Variants in NIPSNAP2 observed in about 807,000 individuals in gnomAD.
NIPSNAP2 encodes the protein nipsnap homolog 2.
A neutral mutation model predicts 48.4 loss-of-function variants in NIPSNAP2; 42 were observed. That is an observed-to-expected ratio of 0.87 (90% confidence interval 0.68 to 1.12). The LOEUF (loss-of-function observed/expected upper bound fraction) is 1.12. NIPSNAP2 is among the 50% of genes most tolerant of loss of function. NIPSNAP2 has a pLI of 0.00. For synonymous variants in NIPSNAP2, 158 were observed against 126.6 expected (o/e 1.25, Z -1.67); for missense variants, 314 against 347.3 (o/e 0.90, Z 0.76).
chr7:55,986,780 A>G (rs898066978), intron 7 of NIPSNAP2, among the ~76,000 whole-genome samples: 5 of 152,124 alleles, frequency 3.3e-5, no homozygotes, highest in African/African-American at 7.2e-5. Flanking sequence ...AATTGAATTC[A>G]GAATAGATAA....
chr7:55,967,440 G>GA (rs1786917667), intron 1 of NIPSNAP2, among the ~76,000 whole-genome samples: 1 of 152,026 alleles, frequency 6.6e-6, no homozygotes, highest in African/African-American at 2.4e-5. Context: ...GTGTGGGCTC[G>GA]AACCTGTTAG....
intron 1 of NIPSNAP2, among the ~76,000 whole-genome samples, chr7:55,966,884 A>G (rs1458693093): frequency 6.6e-6 from 1 of 152,222 alleles, no homozygotes; most frequent in Non-Finnish European, 1.5e-5. Context: ...TGTGCAGCGT[A>G]TATAGGCTGA....
chr7:55,982,177 T>G lies in NIPSNAP2; in HGVS notation c.374-33T>G, dbSNP rs182076369. 14 of 1,412,240 alleles carry G rather than the reference T, an allele frequency of 9.9e-6. No individual in the cohort carries two copies. The African/African-American group carries it at 1.7e-4, about 17-fold the overall frequency. 87.5% of individuals were successfully genotyped at this position (1,412,240 alleles called of 1,614,324 possible). A position where few individuals can be genotyped will look rare whatever the true frequency, so the allele number is the denominator to read the frequency against. On this transcript the variant is annotated intron_variant, in intron 4 of 9. Coordinates refer to ENST00000322090, the MANE Select transcript of NIPSNAP2 (RefSeq NM_001483.3). ...TTCAAGTAGTAGTATCATGAAATTCTAAACGTATACTGTCTTTTAAAATGC... is the reference window on the plus strand; with the variant it reads ...TTCAAGTAGTAGTATCATGAAATTCGAAACGTATACTGTCTTTTAAAATGC...
intron 9 of NIPSNAP2, among the ~76,000 whole-genome samples, chr7:55,998,541 G>A (rs1367191906): frequency 3.7e-5 from 4 of 109,374 alleles, no homozygotes; most frequent in Non-Finnish European, 6.8e-5. Flanking sequence ...TTGTTCTGTC[G>A]CCAGGCTGGA....
intron 8 of NIPSNAP2, among the ~76,000 whole-genome samples, chr7:55,995,871 C>T (rs1787552122): frequency 6.6e-6 from 1 of 152,100 alleles, no homozygotes. Context: ...CTTCACAGAG[C>T]AACAGCAAGT....
chr7:55,969,982 C>CA (rs759505196), intron 1 of NIPSNAP2, among the ~76,000 whole-genome samples: 5,008 of 55,598 alleles, frequency 0.09, 379 homozygotes, highest in African/African-American at 0.24. Flanking sequence ...GACTCTGTCT[C>CA]AAAAAAAAAA....
intron 3 of NIPSNAP2, 124 bp from the exon 4 acceptor site, chr7:55,981,349 A>T (rs1156289734): frequency 1.5e-5 from 10 of 665,090 alleles, no homozygotes; most frequent in Non-Finnish European, 1.4e-5. Flanking sequence ...TTTTATCATG[A>T]TGTTCTAAGG....
Position 55,999,984 on chromosome 7 carries a change from C to A in NIPSNAP2, c.*912C>A, listed in dbSNP as rs1787644467. 1 of 152,508 alleles carries A rather than the reference C, an allele frequency of 6.6e-6. No individual in the cohort carries two copies. Among genetic ancestry groups the A allele is most frequent in the Non-Finnish European group, 1.5e-5 (1 of 68,012 alleles). 9.4% of individuals were successfully genotyped at this position (152,508 alleles called of 1,614,324 possible). A position where few individuals can be genotyped will look rare whatever the true frequency, so the allele number is the denominator to read the frequency against. On this transcript the variant is annotated 3_prime_UTR_variant, in exon 10 of 10. Coordinates refer to ENST00000322090, the MANE Select transcript of NIPSNAP2 (RefSeq NM_001483.3). ...TACTTTTTGTCTAGCTGTTTGATTT[C>A]ATTTTTTAATATAGTATGCCAATTT...
At chr7:55,969,783 A>G (rs893548421) in intron 1 of NIPSNAP2, among the ~76,000 whole-genome samples, 40 of 152,212 alleles carry the variant, frequency 2.6e-4, no homozygotes, top group Admixed American at 1.2e-3. Flanking sequence ...GGAGATCGAG[A>G]CCATCCTGGC....
rs373873272 is a variant in NIPSNAP2 at position 55,987,299 on chromosome 7, A to G, written c.617+2421A>G. On this transcript the variant is annotated intron_variant, in intron 7 of 9. Coordinates refer to ENST00000322090, the MANE Select transcript of NIPSNAP2 (RefSeq NM_001483.3). ...TTTATTTGCAGTAGCCAAGAGGTAG[A>G]AACAACCCACATATCCATCAATAGA... Among the ~76,000 whole-genome samples the G allele has an allele frequency of 5.9e-5, 9 of 152,286 alleles. No individual in the cohort carries two copies. In the South Asian group the frequency reaches 1.0e-3, roughly 18 times the overall value.
intron 6 of NIPSNAP2, among the ~76,000 whole-genome samples, chr7:55,984,317 C>G (rs896665942): frequency 6.6e-6 from 1 of 152,182 alleles, no homozygotes; most frequent in African/African-American, 2.4e-5. Context: ...TGGCTAATGC[C>G]TGTAATCCCA....
chr7:55,978,384 C>T lies in NIPSNAP2; in HGVS notation c.267C>T (p.Tyr89=). ...HNVKPECLEA[Y]NKICQEVLPK... is the part of the protein sequence containing the mutation. ...TTAAACCGGAATGCCTAGAAGCATA[C>T]AACAAAATTTGGTGTGTATACCAAA... Residue 89 remains tyrosine (Y), a synonymous_variant, in exon 3 of 10, where the codon TAC becomes TAT. Transcript: ENST00000322090. 6.2e-7 allele frequency: 1 copy of T among 1,611,692 alleles called. No individual in the cohort carries two copies. Among genetic ancestry groups the T allele is most frequent in the Non-Finnish European group, 8.5e-7 (1 of 1,179,142 alleles).
At position 55,983,965 on chromosome 7, in the gene NIPSNAP2, A is replaced by T. The variant is rs1326007212; in HGVS notation, c.585+97A>T. 3.0e-6 allele frequency: 3 copies of T among 1,011,880 alleles called. No homozygotes were observed. The African/African-American group carries it at 5.0e-5, about 17-fold the overall frequency. 62.7% of individuals were successfully genotyped at this position (1,011,880 alleles called of 1,614,324 possible). On this transcript the variant is annotated intron_variant, in intron 6 of 9. Transcript: ENST00000322090. ...ACAGAACTTGTGTGTACATTCTGTG[A>T]TGTATGTCTAGCATTATATGTATAT...
rs189290724 is a variant in NIPSNAP2 at position 55,968,620 on chromosome 7, C to T, written c.92+3919C>T. Among the ~76,000 whole-genome samples, 418 of 152,268 alleles carry T rather than the reference C, an allele frequency of 2.7e-3. 3 individuals are homozygous for T. Among genetic ancestry groups the T allele is most frequent in the African/African-American group, 9.2e-3 (382 of 41,556 alleles). On this transcript the variant is annotated intron_variant, in intron 1 of 9. Transcript: ENST00000322090. ...CAGGATGGTCTCGATCTCCTGACCT[C>T]GTGATCTGCCCGCCTTGGCCTGCTT...
At chr7:55,970,777 G>A (rs1787001868) in intron 1 of NIPSNAP2, among the ~76,000 whole-genome samples, 2 of 152,180 alleles carry the variant, frequency 1.3e-5, no homozygotes, top group South Asian at 2.1e-4. Flanking sequence ...CCCTGTACAT[G>A]TTGTTCCCAT....
chr7:55,996,880 TTTTTTTAACTTAAGAA>T (rs1787574005), intron 8 of NIPSNAP2, among the ~76,000 whole-genome samples: 1 of 151,970 alleles, frequency 6.6e-6, no homozygotes, highest in Non-Finnish European at 1.5e-5. Context: ...AAACAAATAA[TTTTTTTAACTTAAGAA>T]TGGGCCAGGC....
At chr7:55,990,670 A>G (rs970914597) in intron 7 of NIPSNAP2, among the ~76,000 whole-genome samples, 4 of 152,164 alleles carry the variant, frequency 2.6e-5, no homozygotes, top group Non-Finnish European at 5.9e-5. Context: ...GGGGGAGGCC[A>G]CATGGTGCTG....
Position 55,981,587 on chromosome 7 carries a change from G to C in NIPSNAP2, c.373+20G>C. ...AAGCTGGTAGGAAGCGAAGTCTTTGGAATAAACACTTCTTCCTTAAGCCTT... is the reference window on the plus strand; with the variant it reads ...AAGCTGGTAGGAAGCGAAGTCTTTGCAATAAACACTTCTTCCTTAAGCCTT... On this transcript the variant is annotated intron_variant, in intron 4 of 9. Transcript: ENST00000322090. The C allele has an allele frequency of 4.6e-6, 7 of 1,538,442 alleles. No homozygotes were observed. The highest frequency in any genetic ancestry group is 6.3e-6 in the Non-Finnish European group (7 of 1,112,912).
chr7:55,978,076 G>A, intron 1 of NIPSNAP2, 50 bp from the exon 2 acceptor site: 9 of 1,596,734 alleles, frequency 5.6e-6, no homozygotes, highest in South Asian at 1.1e-5. Flanking sequence ...ATTAACTGAT[G>A]GATATATGAA....
Sources: allele counts gnomAD v4.1 joint callset (sites outside exome capture counted in the v4.1 genomes callset), GRCh38; gene constraint gnomAD v4.1.1; transcripts MANE v1.5; gene names NCBI Gene and HGNC (gene_info 2026-07-23, HGNC 2026-07-21).